ZNF345: variants seen among roughly 807,000 people sequenced by gnomAD.
The protein encoded by ZNF345 is zinc finger protein 345, also known as zinc finger protein HZF10.
For missense variants in ZNF345, 527 were observed against 589.9 expected, an observed-to-expected ratio of 0.89 and a Z score of 1.10; for synonymous variants, 166 against 187.9, an observed-to-expected ratio of 0.88 and a Z score of 0.95.
At chr19:36,885,617 C>T (rs1246084088) in intron 3 of ZNF345, among the ~76,000 whole-genome samples, 2 of 151,848 alleles carry the variant, frequency 1.3e-5, no homozygotes, top group African/African-American at 4.8e-5. Flanking sequence ...TGAAGGTATT[C>T]TCTTTCTTCC....
At chr19:36,858,844 T>C (rs2072481711) in intron 2 of ZNF345, among the ~76,000 whole-genome samples, 2 of 152,124 alleles carry the variant, frequency 1.3e-5, no homozygotes, top group Admixed American at 1.3e-4. Flanking sequence ...AATCACTGAG[T>C]TAGACAATCG....
At chr19:36,864,807 G>A (rs557363905) in intron 2 of ZNF345, among the ~76,000 whole-genome samples, 1 of 152,092 alleles carries the variant, frequency 6.6e-6, no homozygotes, top group Non-Finnish European at 1.5e-5. Flanking sequence ...CATCGTCAGG[G>A]TTATACGTGC....
At chr19:36,855,245 C>T (rs1261757190) in intron 2 of ZNF345, among the ~76,000 whole-genome samples, 1 of 150,878 alleles carries the variant, frequency 6.6e-6, no homozygotes, top group Non-Finnish European at 1.5e-5. Flanking sequence ...CGGGTTCACG[C>T]CATTCTCCTG....
At chr19:36,872,884 A>G (rs1259022413) in intron 2 of ZNF345, 2 of 152,208 alleles carry the variant, frequency 1.3e-5, no homozygotes. Flanking sequence ...TTTAGAATCC[A>G]TTGAGGATCC....
chr19:36,892,266 C>A, intron 3 of ZNF345: 1 of 1,613,932 alleles, frequency 6.2e-7, no homozygotes, highest in Non-Finnish European at 8.5e-7. Flanking sequence ...AATGAATTCT[C>A]TGATGTTGGA....
At chr19:36,862,228 G>T (rs184945246) in intron 2 of ZNF345, among the ~76,000 whole-genome samples, 6 of 152,042 alleles carry the variant, frequency 3.9e-5, no homozygotes, top group East Asian at 3.9e-4. Flanking sequence ...CTTGGATTTG[G>T]TTTTTTCCCC....
intron 2 of ZNF345, among the ~76,000 whole-genome samples, chr19:36,855,464 T>TC (rs2072394950): frequency 6.9e-6 from 1 of 144,798 alleles, no homozygotes; most frequent in East Asian, 2.1e-4. Flanking sequence ...TTTTTTTTTT[T>TC]TTTTTTTTAA....
chr19:36,887,433 T>C (rs1168212442), intron 3 of ZNF345, among the ~76,000 whole-genome samples: 5 of 152,210 alleles, frequency 3.3e-5, no homozygotes, highest in East Asian at 3.8e-4. Flanking sequence ...TTTTTAGTAG[T>C]AGGGGAAACT....
intron 2 of ZNF345, among the ~76,000 whole-genome samples, chr19:36,856,358 A>T (rs1265525264): frequency 6.6e-6 from 1 of 152,044 alleles, no homozygotes; most frequent in Non-Finnish European, 1.5e-5. Flanking sequence ...ACCTGGTCTT[A>T]TTCCCATATT....
At chr19:36,858,642 C>T (rs1234197090) in intron 2 of ZNF345, among the ~76,000 whole-genome samples, 1 of 152,106 alleles carries the variant, frequency 6.6e-6, no homozygotes, top group Non-Finnish European at 1.5e-5. Flanking sequence ...TGGTGGGCAC[C>T]TGTAGTCCCA....
At chr19:36,855,340 G>T (rs760629639) in intron 2 of ZNF345, among the ~76,000 whole-genome samples, 1 of 150,644 alleles carries the variant, frequency 6.6e-6, no homozygotes, top group South Asian at 2.1e-4. Flanking sequence ...TAGTAGAGAC[G>T]GGGTTTCACG....
intron 2 of ZNF345, among the ~76,000 whole-genome samples, chr19:36,857,872 G>A (rs2072456904): frequency 6.6e-6 from 1 of 151,790 alleles, no homozygotes; most frequent in Admixed American, 6.6e-5. Context: ...TCCACTTCCT[G>A]GGTTCAAGCA....
intron 2 of ZNF345, among the ~76,000 whole-genome samples, chr19:36,857,718 G>T (rs534544233): frequency 6.6e-6 from 1 of 152,274 alleles, no homozygotes; most frequent in South Asian, 2.1e-4. Flanking sequence ...ACTTATAGCT[G>T]CATAAGGTAC....
Position 36,878,060 on chromosome 19 carries a change from T to C in ZNF345, c.1230T>C (p.Gly410=). ...AATGTGGAAAGTCCTTTAGTAGTGG[T>C]TCAGCTCTTAATCGGCACCAGAGAA... is the stretch of plus-strand genomic sequence containing the variant. ...CKECGKSFSS[G]SALNRHQRIH... The change falls in exon 3 of 3, where the codon GGT becomes GGC. Residue 410 remains glycine (G), a synonymous_variant. Coordinates refer to ENST00000420450, the MANE Select transcript of ZNF345 (RefSeq NM_001242472.2). 1 of 1,613,348 alleles carries C rather than the reference T, an allele frequency of 6.2e-7. No homozygotes were observed. The highest frequency in any genetic ancestry group is 2.2e-5 in the East Asian group (1 of 44,720).
chr19:36,892,257 AT>A, intron 3 of ZNF345: 1 of 1,614,046 alleles, frequency 6.2e-7, no homozygotes, highest in African/African-American at 1.3e-5. Flanking sequence ...TTTCACCAAA[AT>A]GAATTCTCTG....
At chr19:36,883,672 C>T (rs367803597), downstream of ZNF345, among the ~76,000 whole-genome samples, 4 of 152,104 alleles carry the variant, frequency 2.6e-5, no homozygotes, top group African/African-American at 9.7e-5. Flanking sequence ...CAGAAATAGC[C>T]CCTCTCCTAA....
intron 2 of ZNF345, among the ~76,000 whole-genome samples, chr19:36,863,989 A>T (rs1312418108): frequency 6.6e-6 from 1 of 152,236 alleles, no homozygotes; most frequent in Non-Finnish European, 1.5e-5. Context: ...ATTAGCAAAA[A>T]GATACTAAAA....
chr19:36,869,742 T>C (rs897071583), intron 2 of ZNF345, among the ~76,000 whole-genome samples: 25 of 151,814 alleles, frequency 1.6e-4, no homozygotes, highest in African/African-American at 5.8e-4. Context: ...TTTAGTGGTT[T>C]CTTTTCTCTT....
chr19:36,855,205 C>T (rs374968032), intron 2 of ZNF345, among the ~76,000 whole-genome samples: 3 of 143,068 alleles, frequency 2.1e-5, no homozygotes, highest in African/African-American at 7.9e-5. Context: ...TGCAGTGGCG[C>T]CATCTCAGCT....
Sources: allele counts gnomAD v4.1 joint callset (sites outside exome capture counted in the v4.1 genomes callset), GRCh38; gene constraint gnomAD v4.1.1; transcripts MANE v1.5; gene names NCBI Gene and HGNC (gene_info 2026-07-23, HGNC 2026-07-21).